Variants in CHMP4C observed in about 807,000 individuals in gnomAD.
CHMP4C encodes charged multivesicular body protein 4C, also known as SNF7 homolog associated with Alix 3.
In CHMP4C, 28 loss-of-function variants were observed where a neutral mutation model predicts 29.0. That is an observed-to-expected ratio of 0.97 (90% confidence interval 0.72 to 1.32). The LOEUF (loss-of-function observed/expected upper bound fraction) is 1.32, where lower values mean the gene tolerates loss of function less well. CHMP4C is among the 40% of genes most tolerant of loss of function. The pLI is 0.00. For missense variants in CHMP4C, 291 were observed against 281.0 expected (o/e 1.04, Z -0.25); for synonymous variants, 106 against 102.4 (o/e 1.04, Z -0.21).
intron 1 of CHMP4C, among the ~76,000 whole-genome samples, chr8:81,745,044 T>C (rs1042933579): frequency 3.9e-5 from 6 of 152,196 alleles, no homozygotes; most frequent in Non-Finnish European, 7.3e-5. Context: ...GGGAAATGTC[T>C]ATGATGATGC....
chr8:81,742,381 A>G (rs1808772233), intron 1 of CHMP4C, among the ~76,000 whole-genome samples: 1 of 152,222 alleles, frequency 6.6e-6, no homozygotes, highest in Non-Finnish European at 1.5e-5. Flanking sequence ...GAAGCCTTGC[A>G]TTAAGAGTTA....
intron 3 of CHMP4C, among the ~76,000 whole-genome samples, chr8:81,755,734 A>G (rs965208009): frequency 6.6e-6 from 1 of 152,212 alleles, no homozygotes; most frequent in Non-Finnish European, 1.5e-5. Context: ...GTGTAAAGTT[A>G]GTGACTTTTA....
At chr8:81,740,314 C>T (rs933628826) in intron 1 of CHMP4C, among the ~76,000 whole-genome samples, 2 of 152,194 alleles carry the variant, frequency 1.3e-5, no homozygotes, top group Non-Finnish European at 2.9e-5. Flanking sequence ...TGAAATTAAA[C>T]TGTTCCACCT....
At chr8:81,741,465 A>G (rs1192911778) in intron 1 of CHMP4C, among the ~76,000 whole-genome samples, 1 of 152,146 alleles carries the variant, frequency 6.6e-6, no homozygotes, top group Non-Finnish European at 1.5e-5. Context: ...TAGTACTACT[A>G]GTTTATTTCT....
chr8:81,758,341 A>C (rs747473889), intron 4 of CHMP4C, 46 bp downstream of exon 4: 1 of 1,606,356 alleles, frequency 6.2e-7, no homozygotes, highest in East Asian at 2.2e-5. Flanking sequence ...GTTGCCTAAA[A>C]TGATAGCCAG....
chr8:81,734,382 G>A (rs535409936), intron 1 of CHMP4C, among the ~76,000 whole-genome samples: 1 of 152,320 alleles, frequency 6.6e-6, no homozygotes, highest in East Asian at 1.9e-4. Context: ...CCAGGCTGGA[G>A]TGCAATGGCG....
chr8:81,743,304 T>C (rs904535643), intron 1 of CHMP4C, among the ~76,000 whole-genome samples: 1 of 151,260 alleles, frequency 6.6e-6, no homozygotes, highest in Admixed American at 6.6e-5. Flanking sequence ...ATCTACTTTG[T>C]AAAATTAAGC....
At chr8:81,755,284 T>A in intron 2 of CHMP4C, 86 bp from the exon 3 acceptor site, 3 of 585,556 alleles carry the variant, frequency 5.1e-6, no homozygotes, top group Non-Finnish European at 8.6e-6. Flanking sequence ...TTATATTAAA[T>A]GAACTGACTT....
At chr8:81,739,460 T>C (rs1268468039) in intron 1 of CHMP4C, among the ~76,000 whole-genome samples, 3 of 145,690 alleles carry the variant, frequency 2.1e-5, no homozygotes, top group Non-Finnish European at 3.0e-5. Context: ...CCTGGGGCAT[T>C]AACAACCAAT....
At position 81,748,564 on chromosome 8, in the gene CHMP4C, T is replaced by C. The variant is rs141881488; in HGVS notation, c.191-4500T>C. 1.9e-3 allele frequency among the ~76,000 whole-genome samples: 289 copies of C among 152,240 alleles called. 2 individuals carry two copies. The highest frequency in any genetic ancestry group is 6.7e-3 in the African/African-American group (278 of 41,536). ...TCATGGCTTCAGCCAGTCCCTCCAT[T>C]TGGGGTCCCTGACTTCCTGCAACAA... is the stretch of plus-strand genomic sequence containing the variant. On this transcript the variant is annotated intron_variant, in intron 1 of 4. Transcript: ENST00000297265.
At chr8:81,751,891 G>A (rs1411431980) in intron 1 of CHMP4C, among the ~76,000 whole-genome samples, 4 of 152,022 alleles carry the variant, frequency 2.6e-5, no homozygotes, top group African/African-American at 9.7e-5. Flanking sequence ...AGTGGTCTAT[G>A]TAAAAATTTT....
At chr8:81,745,121 T>G (rs16909543) in intron 1 of CHMP4C, among the ~76,000 whole-genome samples, 3,530 of 152,286 alleles carry the variant, frequency 0.023, 131 homozygotes, top group African/African-American at 0.08. Context: ...GTTTAATTAA[T>G]GAGGTGATTT....
chr8:81,748,629 T>A (rs1433254427), intron 1 of CHMP4C, among the ~76,000 whole-genome samples: 1 of 152,072 alleles, frequency 6.6e-6, no homozygotes, highest in Non-Finnish European at 1.5e-5. Context: ...TATGCGGTAG[T>A]CTCAGAAATA....
rs1809011886 is a variant in CHMP4C at position 81,759,154 on chromosome 8, T to C, written c.*610T>C. 6.6e-6 allele frequency: 1 copy of C among 152,638 alleles called. No homozygotes were observed. Among genetic ancestry groups the C allele is most frequent in the Admixed American group, 6.5e-5 (1 of 15,278 alleles). 9.5% of individuals were successfully genotyped at this position (152,638 alleles called of 1,614,324 possible). On this transcript the variant is annotated 3_prime_UTR_variant, in exon 5 of 5. Transcript: ENST00000297265. Reference sequence around the variant, plus strand: ...AGAGCCTTTTAGTAGAGGAGTCTTATATGAGTCTCTACATAAGTAGTTTCA... The same window carrying C: ...AGAGCCTTTTAGTAGAGGAGTCTTACATGAGTCTCTACATAAGTAGTTTCA...
intron 1 of CHMP4C, among the ~76,000 whole-genome samples, chr8:81,739,500 C>A (rs918695649): frequency 1.1e-4 from 16 of 150,640 alleles, no homozygotes; most frequent in African/African-American, 3.9e-4. Flanking sequence ...CTCCAGTCAA[C>A]TACCCCTCTC....
intron 1 of CHMP4C, among the ~76,000 whole-genome samples, chr8:81,733,489 T>G (rs1324474904): frequency 6.6e-6 from 1 of 151,526 alleles, no homozygotes; most frequent in South Asian, 2.1e-4. Flanking sequence ...TCCTCAGCTG[T>G]GGAAAGCTTT....
intron 2 of CHMP4C, among the ~76,000 whole-genome samples, chr8:81,753,631 C>G (rs962735453): frequency 5.9e-5 from 9 of 151,950 alleles, no homozygotes; most frequent in African/African-American, 2.2e-4. Context: ...ACACAGATGC[C>G]CAGGCTACTT....
rs755903730 is a variant in CHMP4C, at chr8:81,755,470, G to A, written c.469G>A (p.Asp157Asn). The stretch of plus-strand genomic sequence containing the variant: ...ATTTTCTCAACGGGTTGGCTTTGGT[G>A]ATGACTTTGATGAGGTACGTAACCC... The part of the protein sequence containing the change: ...EAFSQRVGFG[D>N]DFDEDELMAE... The change falls in exon 3 of 5, where the codon GAT becomes AAT. Residue 157 changes from aspartate (D) to asparagine (N), a missense_variant. Physicochemically the swap from Asp to Asn is conservative, Grantham distance 23. Transcript: ENST00000297265. 5.0e-6 allele frequency: 8 copies of A among 1,604,676 alleles called. No homozygotes were observed. Among genetic ancestry groups the A allele is most frequent in the African/African-American group, 1.3e-5 (1 of 74,762 alleles).
intron 1 of CHMP4C, 28 bp from the exon 2 acceptor site, chr8:81,753,036 T>C (rs1487629419): frequency 1.3e-6 from 2 of 1,569,010 alleles, no homozygotes; most frequent in Non-Finnish European, 1.7e-6. Context: ...TTCTCTTTCC[T>C]AATAAATGTG....
Sources: allele counts gnomAD v4.1 joint callset (sites outside exome capture counted in the v4.1 genomes callset), GRCh38; gene constraint gnomAD v4.1.1; transcripts MANE v1.5; gene names NCBI Gene and HGNC (gene_info 2026-07-23, HGNC 2026-07-21).